Variants in IZUMO3 observed in about 807,000 individuals in gnomAD.
IZUMO3 encodes IZUMO family member 3, also known as izumo sperm-egg fusion protein 3.
Under a neutral mutation model 28.4 loss-of-function variants are expected in IZUMO3, and 36 were observed. That is an observed-to-expected ratio of 1.27 (90% confidence interval 0.97 to 1.67). The LOEUF (loss-of-function observed/expected upper bound fraction) is 1.67. IZUMO3 is among the 40% of genes most tolerant of loss of function. The pLI is 0.00. For synonymous variants in IZUMO3, 126 were observed against 99.2 expected, an observed-to-expected ratio of 1.27 and a Z score of -1.61; for missense variants, 387 against 278.5, an observed-to-expected ratio of 1.39 and a Z score of -2.77.
chr9:24,544,351 G>C (rs974345962), intron 4 of IZUMO3, 70 bp from the exon 5 acceptor site: 1 of 1,062,016 alleles, frequency 9.4e-7, no homozygotes, highest in African/African-American at 1.6e-5. Flanking sequence ...CATACATCAA[G>C]TGTGGAGGAT....
intron 5 of IZUMO3, 46 bp from the exon 6 acceptor site, chr9:24,543,800 G>A: frequency 1.6e-6 from 2 of 1,225,128 alleles, no homozygotes; most frequent in Non-Finnish European, 2.3e-6. Flanking sequence ...TTGGAGAAGA[G>A]AAATAGCTTG....
Position 24,545,016 on chromosome 9 carries a change from A to G in IZUMO3, c.347T>C (p.Leu116Pro). The G allele has an allele frequency of 6.4e-7, 1 of 1,550,830 alleles. No individual in the cohort carries two copies. Among genetic ancestry groups the G allele is most frequent in the Non-Finnish European group, 8.7e-7 (1 of 1,146,944 alleles). Reference protein sequence around the residue: ...QGKLLDVCQNLESKLKELLKN... With the variant: ...QGKLLDVCQNPESKLKELLKN... The stretch of plus-strand genomic sequence containing the variant: ...TAGTAATTCTTTCAGTTTGGATTCC[A>G]GGTTTTGGCAGACATCGAGAAGCTT... Residue 116 changes from leucine (L) to proline (P), a missense_variant, in exon 3 of 7, where the codon CTG becomes CCG. By Grantham distance (98) the Leu-to-Pro change is moderately conservative. Coordinates refer to ENST00000543880, the MANE Select transcript of IZUMO3 (RefSeq NM_001365008.2).
intron 5 of IZUMO3, 21 bp downstream of exon 5, chr9:24,544,180 C>T: frequency 2.0e-6 from 3 of 1,511,670 alleles, no homozygotes; most frequent in Non-Finnish European, 2.7e-6. Context: ...CTTCAAAATT[C>T]CATACCATGA....
chr9:24,543,435 A>ATTGTTT (rs1563907527), intron 6 of IZUMO3, 68 bp from the exon 7 acceptor site: 8 of 75,516 alleles, frequency 1.1e-4, no homozygotes, highest in East Asian at 8.3e-4. Context: ...CCAGTTATAC[A>ATTGTTT]TTGTTTTTTT....
Position 24,543,116 on chromosome 9 carries a change from T to G in IZUMO3, c.*113A>C. The G allele has an allele frequency of 1.2e-6, 1 of 814,174 alleles. No individual in the cohort carries two copies. The highest frequency in any genetic ancestry group is 3.0e-5 in the East Asian group (1 of 33,154). 50.4% of individuals were successfully genotyped at this position (814,174 alleles called of 1,614,324 possible). A position where few individuals can be genotyped will look rare whatever the true frequency, so the allele number is the denominator to read the frequency against. On this transcript the variant is annotated 3_prime_UTR_variant, in exon 7 of 7. Coordinates refer to ENST00000543880, the MANE Select transcript of IZUMO3 (RefSeq NM_001365008.2). ...CATTAGAGAAACTCTAAGTTCTATT[T>G]CAGTTTTAAAATACTATGACTTTAT...
chr9:24,545,514 C>A lies in IZUMO3; in HGVS notation c.136G>T (p.Gly46Cys). The change falls in exon 1 of 7, where the codon GGC becomes TGC. Residue 46 changes from glycine to cysteine, a missense_variant. Gly to Cys is a radical substitution (Grantham distance 159, BLOSUM62 -3). Coordinates refer to ENST00000543880, the MANE Select transcript of IZUMO3 (RefSeq NM_001365008.2). The stretch of plus-strand genomic sequence containing the variant: ...TGCCGTTCAAGCAGCTGAGTTCGGC[C>A]GGGGACTTCTGAAGGTATCAGATTT... ...LGNLIPSEVP[G>C]RTQLLERQIK... 6.5e-7 allele frequency: 1 copy of A among 1,535,320 alleles called. No individual in the cohort carries two copies. Among genetic ancestry groups the A allele is most frequent in the Admixed American group, 2.0e-5 (1 of 50,968 alleles).
rs781627831 is a variant in IZUMO3 at position 24,545,502 on chromosome 9, G to A, written c.148C>T (p.Leu50=). 814 of 1,535,320 alleles carry A rather than the reference G, an allele frequency of 5.3e-4. 1 individual carries two copies. The highest frequency in any genetic ancestry group is 6.6e-4 in the Non-Finnish European group (756 of 1,146,718). The change falls in exon 1 of 7, where the codon CTG becomes TTG. Residue 50 remains leucine, a synonymous_variant. Coordinates refer to ENST00000543880, the MANE Select transcript of IZUMO3 (RefSeq NM_001365008.2). ...IPSEVPGRTQ[L]LERQIKEMIH... ...ATCTCCTTAATCTGCCGTTCAAGCA[G>A]CTGAGTTCGGCCGGGGACTTCTGAA...
chr9:24,543,395 A>C, intron 6 of IZUMO3, 28 bp from the exon 7 acceptor site: 1 of 1,484,394 alleles, frequency 6.7e-7, no homozygotes, highest in Non-Finnish European at 9.0e-7. Flanking sequence ...AATAATTCCA[A>C]CTTCAATATC....
Position 24,544,997 on chromosome 9 carries a change from T to A in IZUMO3, c.366A>T (p.Glu122Asp). The change falls in exon 3 of 7, where the codon GAA (glutamate) becomes GAT (aspartate). Residue 122 changes from glutamate to aspartate, a missense_variant. Coordinates refer to ENST00000543880, the MANE Select transcript of IZUMO3 (RefSeq NM_001365008.2). ...CAATTTCAGAGAAGTTCTTTAGTAA[T>A]TCTTTCAGTTTGGATTCCAGGTTTT... ...VCQNLESKLK[E>D]LLKNFSEIAC... is the part of the protein sequence containing the mutation. 4 of 1,550,464 alleles carry A rather than the reference T, an allele frequency of 2.6e-6. No individual in the cohort carries two copies. Among genetic ancestry groups the A allele is most frequent in the Non-Finnish European group, 3.5e-6 (4 of 1,146,626 alleles).
chr9:24,543,289 A>G lies in IZUMO3; in HGVS notation c.660T>C (p.Leu220=). ...CATCTATCTTCCCCATTAATTCTTCAAGTTTCTTCTCCACATATTCCTTTA... is the reference window on the plus strand; with the variant it reads ...CATCTATCTTCCCCATTAATTCTTCGAGTTTCTTCTCCACATATTCCTTTA... The part of the protein sequence containing the change: ...RSLKEYVEKK[L]EELMGKIDEK... Residue 220 remains leucine (L), a synonymous_variant, in exon 7 of 7, where the codon CTT becomes CTC. Transcript: ENST00000543880. 1 of 1,548,596 alleles carries G rather than the reference A, an allele frequency of 6.5e-7. No individual in the cohort carries two copies. Among genetic ancestry groups the G allele is most frequent in the Non-Finnish European group, 8.7e-7 (1 of 1,145,840 alleles).
At position 24,545,415 on chromosome 9, in the gene IZUMO3, T is replaced by G. The variant is rs1819568954; in HGVS notation, c.226+9A>C. 6.5e-7 allele frequency: 1 copy of G among 1,541,918 alleles called. No individual in the cohort carries two copies. The highest frequency in any genetic ancestry group is 8.7e-7 in the Non-Finnish European group (1 of 1,146,838). On this transcript the variant is annotated intron_variant, in intron 1 of 6. Coordinates refer to ENST00000543880, the MANE Select transcript of IZUMO3 (RefSeq NM_001365008.2). ...CCCCTGGACTCTCAGGAACTCAAGCTTCCCTCACCCAACACCCGAAGCCTC... is the reference window on the plus strand; with the variant it reads ...CCCCTGGACTCTCAGGAACTCAAGCGTCCCTCACCCAACACCCGAAGCCTC...
At position 24,543,151 on chromosome 9, in the gene IZUMO3, A is replaced by C; in HGVS notation, c.*78T>G. 8.7e-7 allele frequency: 1 copy of C among 1,143,430 alleles called. No homozygotes were observed. The highest frequency in any genetic ancestry group is 1.6e-5 in the African/African-American group (1 of 62,724). The allele number at this position is 1,143,430 out of a possible 1,614,324, so 70.8% of individuals were successfully genotyped here. A position where few individuals can be genotyped will look rare whatever the true frequency, so the allele number is the denominator to read the frequency against. On this transcript the variant is annotated 3_prime_UTR_variant, in exon 7 of 7. Coordinates refer to ENST00000543880, the MANE Select transcript of IZUMO3 (RefSeq NM_001365008.2). ...AATACTATGACTTTATGACCAAGAA[A>C]GGGTTTACCTCCCAGTTTTGTACTT...
At chr9:24,544,084 C>G (rs545964426) in intron 5 of IZUMO3, 117 bp downstream of exon 5, 7 of 736,792 alleles carry the variant, frequency 9.5e-6, no homozygotes, top group Non-Finnish European at 1.7e-5. Context: ...GTAACACTAC[C>G]ATGACCTCCA....
chr9:24,544,976 T>G lies in IZUMO3; in HGVS notation c.387A>C (p.Glu129Asp), dbSNP rs182299378. 196 of 1,547,680 alleles carry G rather than the reference T, an allele frequency of 1.3e-4. No homozygotes were observed. The African/African-American group carries it at 2.2e-3, about 17-fold the overall frequency. Residue 129 changes from glutamate (E) to aspartate (D), a missense_variant, in exon 3 of 7, where the codon GAA (glutamate) becomes GAC (aspartate). Physicochemically the swap from Glu to Asp is conservative, Grantham distance 45. Coordinates refer to ENST00000543880, the MANE Select transcript of IZUMO3 (RefSeq NM_001365008.2). ...KLKELLKNFS[E>D]IACSEDCIVV... Reference sequence around the variant, plus strand: ...TATATAGAAAGTTTTACTTACCAATTTCAGAGAAGTTCTTTAGTAATTCTT... The same window carrying G: ...TATATAGAAAGTTTTACTTACCAATGTCAGAGAAGTTCTTTAGTAATTCTT...
intron 6 of IZUMO3, 71 bp from the exon 7 acceptor site, chr9:24,543,438 G>GTTTTTTGTTTTTTTTTTTTTTTTTT (rs1819500412): frequency 2.8e-5 from 1 of 35,800 alleles, no homozygotes; most frequent in African/African-American, 1.7e-4. Flanking sequence ...GTTATACATT[G>GTTTTTTGTTTTTTTTTTTTTTTTTT]TTTTTTTTTT....
intron 6 of IZUMO3, 84 bp from the exon 7 acceptor site, chr9:24,543,451 T>G (rs1034840064): frequency 1.8e-5 from 15 of 831,592 alleles, no homozygotes; most frequent in Non-Finnish European, 2.4e-5. Context: ...TTTTTTTTTT[T>G]TTTTTTTTTT....
chr9:24,544,192 C>G lies in IZUMO3; in HGVS notation c.490+9G>C. On this transcript the variant is annotated intron_variant, in intron 5 of 6. Transcript: ENST00000543880. ...TCCCTTCAAAATTCCATACCATGAT[C>G]TTTGTTACCTCCACAATATTCTCCT... 1 of 1,538,300 alleles carries G rather than the reference C, an allele frequency of 6.5e-7. No individual in the cohort carries two copies. Among genetic ancestry groups the G allele is most frequent in the Non-Finnish European group, 8.8e-7 (1 of 1,135,816 alleles).
In IZUMO3 at chr9:24,545,564, A is replaced by G; in HGVS notation, c.86T>C (p.Ile29Thr). 3 of 1,535,370 alleles carry G rather than the reference A, an allele frequency of 2.0e-6. No homozygotes were observed. The highest frequency in any genetic ancestry group is 1.2e-5 in the South Asian group (1 of 84,056). The change falls in exon 1 of 7, where the codon ATA becomes ACA. Residue 29 changes from isoleucine to threonine, a missense_variant. By Grantham distance (89) the Ile-to-Thr change is moderately conservative. Coordinates refer to ENST00000543880, the MANE Select transcript of IZUMO3 (RefSeq NM_001365008.2). ...KGCLECDPKFIEDVGSLLGNL... is the reference protein window; with the variant it reads ...KGCLECDPKFTEDVGSLLGNL... ...TCCCAGCAAGGAGCCAACATCCTCTATAAATTTGGGGTCACATTCTAAACA... is the reference window on the plus strand; with the variant it reads ...TCCCAGCAAGGAGCCAACATCCTCTGTAAATTTGGGGTCACATTCTAAACA...
intron 4 of IZUMO3, 122 bp downstream of exon 4, chr9:24,544,621 G>A (rs978170327): frequency 3.5e-6 from 3 of 848,076 alleles, no homozygotes; most frequent in Non-Finnish European, 5.7e-6. Context: ...GTTACCCCTT[G>A]TAACCACAGC....
Sources: allele counts gnomAD v4.1 joint callset, GRCh38; gene constraint gnomAD v4.1.1; transcripts MANE v1.5; gene names NCBI Gene and HGNC (gene_info 2026-07-23, HGNC 2026-07-21).